The following SRFBP1 variants were observed in gnomAD, a reference collection of about 807,000 sequenced individuals.
SRFBP1 encodes the protein serum response factor-binding protein 1.
In SRFBP1, 47 loss-of-function variants were observed where a neutral mutation model predicts 45.5. The observed-to-expected ratio is 1.03, with a 90% CI of 0.82 to 1.32. The LOEUF (loss-of-function observed/expected upper bound fraction) is 1.32, where lower values mean the gene tolerates loss of function less well. SRFBP1 is among the 40% of genes most tolerant of loss of function. The probability of loss-of-function intolerance (pLI) is 0.00; values close to 1 mark genes in which losing one functional copy is unlikely to be tolerated. For synonymous variants in SRFBP1, 203 were observed against 166.3 expected (o/e 1.22, Z -1.70); for missense variants, 621 against 484.6 (o/e 1.28, Z -2.64).
chr5:122,044,487 T>C (rs1471418433), intron 2 of SRFBP1, among the ~76,000 whole-genome samples: 1 of 152,208 alleles, frequency 6.6e-6, no homozygotes, highest in Non-Finnish European at 1.5e-5. Context: ...AGTATTCCCT[T>C]TTCTCCACAA....
rs138806486 is a variant in SRFBP1, at chr5:121,962,891, T to C, written c.36+823T>C. The stretch of plus-strand genomic sequence containing the variant: ...AAGTCACTGTTTAGATTACACACAG[T>C]AGTGTAAGGGATATTTCATATTTTC... On this transcript the variant is annotated intron_variant, in intron 1 of 7. Coordinates refer to ENST00000339397, the MANE Select transcript of SRFBP1 (RefSeq NM_152546.3). Among the ~76,000 whole-genome samples, 175 of 152,328 alleles carry C rather than the reference T, an allele frequency of 1.1e-3. 1 individual carries two copies. The highest frequency in any genetic ancestry group is 4.1e-3 in the African/African-American group (170 of 41,562).
intron 2 of SRFBP1, among the ~76,000 whole-genome samples, chr5:122,060,336 C>G (rs1754150861): frequency 6.6e-6 from 1 of 151,928 alleles, no homozygotes; most frequent in Admixed American, 6.6e-5. Context: ...CTTGATGGTC[C>G]TGGTAATTTT....
In SRFBP1 at chr5:121,988,712, A is replaced by C. The variant is rs982879773; in HGVS notation, c.199-5887A>C. Among the ~76,000 whole-genome samples the C allele has an allele frequency of 3.9e-5, 6 of 152,222 alleles. No homozygotes were observed. In the South Asian group the frequency reaches 6.2e-4, roughly 16 times the overall value. ...ATTAACCGTAAATCACATTGTTAAC[A>C]TAAACTCTCTGATCAGATTGGTACC... On this transcript the variant is annotated intron_variant, in intron 3 of 7. Transcript: ENST00000339397.
chr5:121,983,644 G>A (rs760111485), intron 3 of SRFBP1, among the ~76,000 whole-genome samples: 3 of 151,630 alleles, frequency 2.0e-5, no homozygotes, highest in Non-Finnish European at 3.0e-5. Context: ...TTTGTTCACT[G>A]AAACAATTAT....
At chr5:122,078,507 A>C (rs1173546626), downstream of SRFBP1, 1 of 152,678 alleles carries the variant, frequency 6.5e-6, no homozygotes, top group Non-Finnish European at 1.5e-5. Context: ...ACACTGGCTT[A>C]ATCTGGGGCG....
In SRFBP1 at chr5:122,047,707, T is replaced by C. The variant is rs578066008; in HGVS notation, n.311+25300T>C. ...TGGAATGTTCTTCCATTTGTTTGTA[T>C]CCTCTTTTATTTCATTGAGCAGTGG... On this transcript the variant is annotated intron_variant and non_coding_transcript_variant, in intron 2 of 2. Coordinates refer to the SRFBP1 transcript ENST00000504881. Among the ~76,000 whole-genome samples the C allele has an allele frequency of 1.7e-3, 252 of 152,300 alleles. 2 individuals carry two copies. The highest frequency in any genetic ancestry group is 5.8e-3 in the African/African-American group (241 of 41,566).
chr5:121,983,233 G>C (rs1378007898), intron 3 of SRFBP1, among the ~76,000 whole-genome samples: 2 of 151,466 alleles, frequency 1.3e-5, no homozygotes, highest in South Asian at 2.1e-4. Flanking sequence ...TCTTCACAAG[G>C]CCATCCATTT....
At chr5:122,012,577 A>G (rs907053533) in intron 4 of SRFBP1, among the ~76,000 whole-genome samples, 3 of 152,134 alleles carry the variant, frequency 2.0e-5, no homozygotes, top group African/African-American at 4.8e-5. Context: ...GAGATTTGCA[A>G]ATTACTAACA....
chr5:122,070,745 TACTC>T, intron 2 of SRFBP1: 2 of 507,158 alleles, frequency 3.9e-6, no homozygotes, highest in Non-Finnish European at 7.0e-6. Context: ...AAGTATTTAT[TACTC>T]AGCCTTATAG....
intron 3 of SRFBP1, among the ~76,000 whole-genome samples, chr5:121,991,103 G>A (rs1423305235): frequency 6.6e-6 from 1 of 152,024 alleles, no homozygotes; most frequent in East Asian, 1.9e-4. Flanking sequence ...GTCATCCCAG[G>A]CATTCTTTGT....
At chr5:122,031,960 A>G (rs573879685), downstream of SRFBP1, among the ~76,000 whole-genome samples, 5 of 152,002 alleles carry the variant, frequency 3.3e-5, no homozygotes, top group African/African-American at 7.2e-5. Flanking sequence ...AGTGATTGCT[A>G]GGAGCTGGGA....
chr5:121,989,301 C>T (rs954290568), intron 3 of SRFBP1, among the ~76,000 whole-genome samples: 1 of 151,950 alleles, frequency 6.6e-6, no homozygotes, highest in Non-Finnish European at 1.5e-5. Flanking sequence ...CTCCTGACAT[C>T]GTGATCCGCC....
rs563417580 is a variant in SRFBP1 at position 121,966,542 on chromosome 5, A to G, written c.36+4474A>G. Among the ~76,000 whole-genome samples the G allele has an allele frequency of 7.8e-4, 119 of 152,326 alleles. 1 individual carries two copies. The highest frequency in any genetic ancestry group is 2.7e-3 in the African/African-American group (112 of 41,580). The stretch of plus-strand genomic sequence containing the variant: ...TAAATGCTTTTTTTCCTCCCTTTCC[A>G]TTAGAACTAGAGGAGAAATGCACAA... On this transcript the variant is annotated intron_variant, in intron 1 of 7. Transcript: ENST00000339397.
chr5:121,970,190 C>G (rs545195648), intron 1 of SRFBP1, among the ~76,000 whole-genome samples: 2 of 152,178 alleles, frequency 1.3e-5, no homozygotes, highest in African/African-American at 4.8e-5. Flanking sequence ...TTGGGGAAAC[C>G]TAAGTCTTAA....
intron 4 of SRFBP1, among the ~76,000 whole-genome samples, chr5:121,997,754 G>A (rs1024775899): frequency 0.049 from 7,401 of 151,522 alleles, 202 homozygotes; most frequent in African/African-American, 0.06. Context: ...GAAAATTTTC[G>A]CAACCTACTC....
At chr5:121,969,452 G>A (rs1328623306) in intron 1 of SRFBP1, among the ~76,000 whole-genome samples, 1 of 151,846 alleles carries the variant, frequency 6.6e-6, no homozygotes, top group Non-Finnish European at 1.5e-5. Context: ...GCCAACTTTT[G>A]CCTCTCTGTG....
intron 4 of SRFBP1, among the ~76,000 whole-genome samples, chr5:121,998,859 T>G (rs1249988176): frequency 2.0e-5 from 3 of 152,210 alleles, no homozygotes; most frequent in Non-Finnish European, 4.4e-5. Flanking sequence ...TACATTTTTC[T>G]ACATCTTCCA....
intron 1 of SRFBP1, among the ~76,000 whole-genome samples, chr5:121,967,341 C>T (rs763748929): frequency 6.6e-6 from 1 of 151,994 alleles, no homozygotes; most frequent in East Asian, 1.9e-4. Context: ...AGGGCATTTC[C>T]GTAAGAACCA....
intron 6 of SRFBP1, among the ~76,000 whole-genome samples, chr5:122,021,676 T>TC (rs1203395647): frequency 3.7e-5 from 5 of 133,560 alleles, no homozygotes; most frequent in African/African-American, 5.7e-5. Flanking sequence ...ATCTTTTTTT[T>TC]TTTTTTTTTT....
Sources: gnomAD v4.1 joint callset for allele counts (sites outside exome capture counted in the v4.1 genomes callset) on GRCh38, gnomAD v4.1.1 for gene constraint, MANE v1.5 for transcripts, NCBI Gene and HGNC (gene_info 2026-07-23, HGNC 2026-07-21) for gene names.